Variants in KCNIP1 observed in about 807,000 individuals in gnomAD.
KCNIP1 encodes the protein A-type potassium channel modulatory protein KCNIP1.
In KCNIP1, 18 loss-of-function variants were observed where a neutral mutation model predicts 33.0. That is an observed-to-expected ratio of 0.55 (90% CI 0.38 to 0.81). The LOEUF is 0.81. Ranked by LOEUF, KCNIP1 falls within the 30% of genes least tolerant of loss-of-function variation. KCNIP1 has a pLI of 0.00. For missense variants in KCNIP1, 238 were observed against 271.6 expected, an observed-to-expected ratio of 0.88 and a Z score of 0.87; for synonymous variants, 93 against 98.3, an observed-to-expected ratio of 0.95 and a Z score of 0.32.
intron 1 of KCNIP1, among the ~76,000 whole-genome samples, chr5:170,684,852 C>T (rs907618376): frequency 6.6e-6 from 1 of 152,206 alleles, no homozygotes; most frequent in Non-Finnish European, 1.5e-5. Context: ...GATATAGTTA[C>T]ACTTTAAATG....
chr5:170,556,968 C>A (rs1212760653), intron 1 of KCNIP1, among the ~76,000 whole-genome samples: 1 of 152,178 alleles, frequency 6.6e-6, no homozygotes, highest in Non-Finnish European at 1.5e-5. Flanking sequence ...GTCAGACAGG[C>A]CTGAGTTTAT....
chr5:170,384,910 G>T (rs993792512), intron 1 of KCNIP1, among the ~76,000 whole-genome samples: 8 of 152,192 alleles, frequency 5.3e-5, no homozygotes, highest in Non-Finnish European at 1.2e-4. Flanking sequence ...TATTCATCAG[G>T]AGGCTGGATG....
rs1413740064 is a variant in KCNIP1, at chr5:170,597,815, ATAT to A, written c.61+93183_61+93185del. Among the ~76,000 whole-genome samples the A allele has an allele frequency of 1.1e-3, 36 of 31,472 alleles. 1 individual carries two copies. The highest frequency in any genetic ancestry group is 5.8e-3 in the South Asian group (4 of 686). The allele number at this position is 31,472 out of a possible 152,430, so 20.6% of individuals were successfully genotyped here. The stretch of plus-strand genomic sequence containing the variant: ...TATATATATATATATATATATATAT[ATAT>A]ATATATATATATGAAAGAAAGAAAG... On this transcript the variant is annotated intron_variant, in intron 1 of 7. Coordinates refer to ENST00000328939, the MANE Select transcript of KCNIP1 (RefSeq NM_014592.4).
At chr5:170,700,209 T>G (rs329467) in intron 1 of KCNIP1, among the ~76,000 whole-genome samples, 5 of 151,816 alleles carry the variant, frequency 3.3e-5, no homozygotes, top group Non-Finnish European at 5.9e-5. Context: ...CATCACCTGT[T>G]GGTCCCCTTC....
intron 1 of KCNIP1, among the ~76,000 whole-genome samples, chr5:170,427,315 G>A (rs1045403340): frequency 1.5e-4 from 23 of 152,316 alleles, no homozygotes; most frequent in African/African-American, 5.1e-4. Flanking sequence ...AGAGAAAGGC[G>A]TAAGGTGTAA....
At chr5:170,391,567 T>C (rs1754594007) in intron 1 of KCNIP1, among the ~76,000 whole-genome samples, 1 of 152,190 alleles carries the variant, frequency 6.6e-6, no homozygotes, top group Admixed American at 6.5e-5. Flanking sequence ...CAATAAATAT[T>C]GACGGTTTGC....
chr5:170,720,641 T>C (rs908387954), intron 3 of KCNIP1, among the ~76,000 whole-genome samples: 2 of 152,168 alleles, frequency 1.3e-5, no homozygotes, highest in African/African-American at 4.8e-5. Context: ...AGAACAGCTC[T>C]AGAAAGCAGG....
chr5:170,682,479 A>C (rs1762382989), intron 1 of KCNIP1, among the ~76,000 whole-genome samples: 1 of 152,210 alleles, frequency 6.6e-6, no homozygotes, highest in Admixed American at 6.5e-5. Context: ...TAGTGACTCT[A>C]TGACCCTAAG....
intron 1 of KCNIP1, among the ~76,000 whole-genome samples, chr5:170,520,613 A>G (rs1364511692): frequency 6.6e-6 from 1 of 152,130 alleles, no homozygotes; most frequent in African/African-American, 2.4e-5. Flanking sequence ...TTATAAACCA[A>G]CTTGAGAGAC....
chr5:170,717,855 TGAC>T (rs1392606881), intron 1 of KCNIP1, among the ~76,000 whole-genome samples: 1 of 152,210 alleles, frequency 6.6e-6, no homozygotes, highest in Admixed American at 6.5e-5. Flanking sequence ...AATATCTGCA[TGAC>T]AACAACAGGC....
At chr5:170,671,829 A>C (rs973818143) in intron 1 of KCNIP1, among the ~76,000 whole-genome samples, 4 of 152,236 alleles carry the variant, frequency 2.6e-5, no homozygotes, top group Non-Finnish European at 4.4e-5. Context: ...TTCTCAAAGC[A>C]CTTTCTTTGT....
chr5:170,472,671 C>T (rs1268813582), intron 1 of KCNIP1, among the ~76,000 whole-genome samples: 1 of 145,380 alleles, frequency 6.9e-6, no homozygotes, highest in African/African-American at 2.5e-5. Flanking sequence ...TCAGTGAGAA[C>T]ATACGACGTT....
chr5:170,709,161 C>T (rs909006461), intron 1 of KCNIP1, among the ~76,000 whole-genome samples: 2 of 152,112 alleles, frequency 1.3e-5, no homozygotes, highest in Non-Finnish European at 2.9e-5. Flanking sequence ...CTCAATGAGA[C>T]AAGTTTCTTA....
intron 1 of KCNIP1, among the ~76,000 whole-genome samples, chr5:170,642,506 G>A (rs945822314): frequency 3.3e-5 from 5 of 152,302 alleles, no homozygotes; most frequent in South Asian, 2.1e-4. Flanking sequence ...GGAGCAGCAC[G>A]GTGCCTCCAT....
intron 1 of KCNIP1, among the ~76,000 whole-genome samples, chr5:170,390,675 G>C (rs917406738): frequency 6.6e-6 from 1 of 151,788 alleles, no homozygotes. Context: ...TTGGAGGCTT[G>C]AAGTCACTGG....
chr5:170,434,619 C>T (rs112150548), intron 1 of KCNIP1, among the ~76,000 whole-genome samples: 165 of 152,084 alleles, frequency 1.1e-3, no homozygotes, highest in African/African-American at 3.8e-3. Flanking sequence ...GACTGGGGGA[C>T]GGGTCGGTGG....
At position 170,479,619 on chromosome 5, in the gene KCNIP1, G is replaced by GA. The variant is rs568183457; in HGVS notation, c.88+125660dup. Among the ~76,000 whole-genome samples the GA allele has an allele frequency of 4.8e-4, 73 of 152,232 alleles. 2 individuals are homozygous for GA. The East Asian group carries it at 0.013, about 27-fold the overall frequency. On this transcript the variant is annotated intron_variant, in intron 1 of 7. Transcript: ENST00000377360. ...CAAGCTCAGCATGACATACCCCAAG[G>GA]AAAAATGTATCTGTCCCTTCTGCTT... is the stretch of plus-strand genomic sequence containing the variant.
intron 1 of KCNIP1, among the ~76,000 whole-genome samples, chr5:170,416,311 C>G (rs1284597188): frequency 6.6e-6 from 1 of 152,102 alleles, no homozygotes; most frequent in Non-Finnish European, 1.5e-5. Context: ...GTGCTCAGCC[C>G]ACCCCTCTAA....
At chr5:170,616,865 G>T (rs1434445121) in intron 1 of KCNIP1, among the ~76,000 whole-genome samples, 1 of 151,920 alleles carries the variant, frequency 6.6e-6, no homozygotes, top group Non-Finnish European at 1.5e-5. Context: ...TTGTGCCACT[G>T]CTTGGATTGA....
Sources: gnomAD v4.1 joint callset for allele counts (sites outside exome capture counted in the v4.1 genomes callset) on GRCh38, gnomAD v4.1.1 for gene constraint, MANE v1.5 for transcripts, NCBI Gene and HGNC (gene_info 2026-07-23, HGNC 2026-07-21) for gene names.